The following RALYL variants were observed in gnomAD, a reference collection of about 807,000 sequenced individuals.
RALYL encodes RNA-binding Raly-like protein.
A neutral mutation model predicts 35.1 loss-of-function variants in RALYL; 29 were observed. That is an observed-to-expected ratio of 0.83 (90% CI 0.61 to 1.13). The LOEUF (loss-of-function observed/expected upper bound fraction) is 1.13. Ranked by LOEUF, RALYL falls within the 50% of genes most tolerant of loss-of-function variation. The probability of loss-of-function intolerance (pLI) is 0.00; values close to 1 mark genes in which losing one functional copy is unlikely to be tolerated. For missense variants in RALYL, 359 were observed against 360.4 expected (o/e 1.00, Z 0.03); for synonymous variants, 120 against 127.6 (o/e 0.94, Z 0.40).
intron 2 of RALYL, among the ~76,000 whole-genome samples, chr8:84,666,693 C>T (rs28620139): frequency 0.074 from 11,202 of 152,022 alleles, 1,014 homozygotes; most frequent in African/African-American, 0.21. Flanking sequence ...ATAAAGAGCA[C>T]CTTTATCTGA....
intron 1 of RALYL, among the ~76,000 whole-genome samples, chr8:84,528,373 A>T (rs2059053932): frequency 6.6e-6 from 1 of 152,140 alleles, no homozygotes; most frequent in Non-Finnish European, 1.5e-5. Context: ...GAAGGAAGGA[A>T]GGAAGGAATT....
intron 1 of RALYL, among the ~76,000 whole-genome samples, chr8:84,383,935 T>C (rs1858584955): frequency 6.6e-6 from 1 of 151,762 alleles, no homozygotes; most frequent in Non-Finnish European, 1.5e-5. Context: ...GATACTTATA[T>C]GAAAATATCT....
chr8:84,765,418 G>C (rs146856246), intron 2 of RALYL, among the ~76,000 whole-genome samples: 75 of 152,234 alleles, frequency 4.9e-4, no homozygotes, highest in African/African-American at 1.4e-3. Flanking sequence ...TCTTTTGCTG[G>C]TTCAATGCTT....
At chr8:84,468,324 T>A (rs1199480350) in intron 1 of RALYL, among the ~76,000 whole-genome samples, 1 of 152,134 alleles carries the variant, frequency 6.6e-6, no homozygotes, top group African/African-American at 2.4e-5. Context: ...CAGGAGCTCT[T>A]GTAAGGCAGG....
chr8:84,644,860 T>C (rs1259590365), intron 2 of RALYL, among the ~76,000 whole-genome samples: 1 of 152,046 alleles, frequency 6.6e-6, no homozygotes, highest in African/African-American at 2.4e-5. Context: ...CAAGCGATTC[T>C]TGTGCCCCAG....
At chr8:84,209,467 G>A (rs1818920040) in intron 1 of RALYL, among the ~76,000 whole-genome samples, 1 of 152,144 alleles carries the variant, frequency 6.6e-6, no homozygotes, top group African/African-American at 2.4e-5. Context: ...AAATGGGGAT[G>A]GGAACATCTA....
At chr8:84,502,003 G>C (rs1454948860) in intron 1 of RALYL, among the ~76,000 whole-genome samples, 1 of 151,450 alleles carries the variant, frequency 6.6e-6, no homozygotes, top group Non-Finnish European at 1.5e-5. Context: ...TTATTGTAAA[G>C]GTGTAGATTT....
At chr8:84,433,374 T>C (rs1415005625) in intron 1 of RALYL, among the ~76,000 whole-genome samples, 1 of 152,176 alleles carries the variant, frequency 6.6e-6, no homozygotes, top group African/African-American at 2.4e-5. Context: ...ATGTAGATTA[T>C]AAATTCTTAG....
At chr8:84,642,691 C>G (rs1309694551) in intron 2 of RALYL, among the ~76,000 whole-genome samples, 1 of 152,024 alleles carries the variant, frequency 6.6e-6, no homozygotes, top group African/African-American at 2.4e-5. Flanking sequence ...ATGTTGGAAG[C>G]TGTTTTTCCC....
At chr8:84,890,511 A>T (rs1374128564) in intron 8 of RALYL, among the ~76,000 whole-genome samples, 1 of 152,230 alleles carries the variant, frequency 6.6e-6, no homozygotes, top group Non-Finnish European at 1.5e-5. Context: ...TTAATAGAGT[A>T]GTATTTTGCA....
chr8:84,482,373 C>A (rs1485502249), intron 1 of RALYL, among the ~76,000 whole-genome samples: 3 of 151,986 alleles, frequency 2.0e-5, no homozygotes, highest in Admixed American at 2.0e-4. Context: ...TTAGCACAAC[C>A]AATTTTATTT....
At chr8:84,331,403 A>G (rs967307021) in intron 1 of RALYL, among the ~76,000 whole-genome samples, 1 of 152,158 alleles carries the variant, frequency 6.6e-6, no homozygotes, top group Admixed American at 6.6e-5. Flanking sequence ...AAATTACTAT[A>G]ATAATCCTCA....
chr8:84,205,907 T>G (rs1160950603), intron 1 of RALYL, among the ~76,000 whole-genome samples: 2 of 152,204 alleles, frequency 1.3e-5, no homozygotes, highest in African/African-American at 2.4e-5. Context: ...TTGATTCTTC[T>G]GAGGCCTGTC....
chr8:84,894,077 C>T (rs1844328078), intron 8 of RALYL, among the ~76,000 whole-genome samples: 1 of 152,160 alleles, frequency 6.6e-6, no homozygotes, highest in Non-Finnish European at 1.5e-5. Context: ...CAGTTGAAGA[C>T]AACTGAAAGT....
At position 84,644,903 on chromosome 8, in the gene RALYL, C is replaced by T. The variant is rs1827160166; in HGVS notation, c.256+115326C>T. On this transcript the variant is annotated intron_variant, in intron 2 of 8. Coordinates refer to ENST00000521268, the MANE Select transcript of RALYL (RefSeq NM_173848.7). ...AGTAGCTGGGATTACGGGTATGCAC[C>T]ACCACACCCAGCTAATTTTTGTATT... 2.0e-5 allele frequency among the ~76,000 whole-genome samples: 3 copies of T among 151,922 alleles called. 1 individual carries two copies. The East Asian group carries it at 5.8e-4, about 30-fold the overall frequency.
At chr8:84,425,391 C>T (rs1348934884) in intron 1 of RALYL, among the ~76,000 whole-genome samples, 2 of 152,200 alleles carry the variant, frequency 1.3e-5, no homozygotes, top group African/African-American at 2.4e-5. Context: ...TGAGGCAATG[C>T]CTCGCCCTGC....
At chr8:84,282,697 C>T (rs200218413) in intron 1 of RALYL, among the ~76,000 whole-genome samples, 20 of 79,966 alleles carry the variant, frequency 2.5e-4, no homozygotes, top group African/African-American at 7.9e-4. Context: ...AGAATTAAAA[C>T]GTGTGTACAT....
At chr8:84,850,812 T>C (rs1835698509) in intron 5 of RALYL, among the ~76,000 whole-genome samples, 1 of 152,196 alleles carries the variant, frequency 6.6e-6, no homozygotes, top group African/African-American at 2.4e-5. Context: ...AGCTTTGACA[T>C]TCTATCAATG....
At chr8:84,281,094 G>A (rs1585898446) in intron 1 of RALYL, among the ~76,000 whole-genome samples, 3 of 152,106 alleles carry the variant, frequency 2.0e-5, no homozygotes, top group Non-Finnish European at 4.4e-5. Context: ...AGTGGTGTTA[G>A]CATGACTATA....
Sources: gnomAD v4.1 joint callset for allele counts (sites outside exome capture counted in the v4.1 genomes callset) on GRCh38, gnomAD v4.1.1 for gene constraint, MANE v1.5 for transcripts, NCBI Gene and HGNC (gene_info 2026-07-23, HGNC 2026-07-21) for gene names.